Variants in MGMT observed in about 807,000 individuals in gnomAD.
MGMT encodes O-6-methylguanine-DNA methyltransferase.
In MGMT, 14 loss-of-function variants were observed where a neutral mutation model predicts 15.9. The ratio of observed to expected loss-of-function variants is 0.88; its 90% CI spans 0.58 to 1.37. The LOEUF (loss-of-function observed/expected upper bound fraction) is 1.37. Among genes scored for constraint, MGMT ranks in the 40% most tolerant of loss-of-function variants. MGMT has a pLI of 0.00. For synonymous variants in MGMT, 130 were observed against 118.2 expected (o/e 1.10, Z -0.65); for missense variants, 282 against 268.1 (o/e 1.05, Z -0.36).
At chr10:129,535,741 C>T (rs1845977255) in intron 1 of MGMT, among the ~76,000 whole-genome samples, 2 of 152,246 alleles carry the variant, frequency 1.3e-5, no homozygotes, top group Non-Finnish European at 1.5e-5. Context: ...GGGCTGGCTC[C>T]TAACACAGGT....
At chr10:129,733,351 G>A (rs1461249732) in intron 3 of MGMT, among the ~76,000 whole-genome samples, 2 of 152,082 alleles carry the variant, frequency 1.3e-5, no homozygotes, top group Non-Finnish European at 2.9e-5. Context: ...CTGCATAAAT[G>A]TCTACTTTTG....
At chr10:129,552,242 A>G (rs1450543600) in intron 2 of MGMT, among the ~76,000 whole-genome samples, 1 of 152,202 alleles carries the variant, frequency 6.6e-6, no homozygotes, top group Non-Finnish European at 1.5e-5. Context: ...GGCTCCCCAC[A>G]TGGGAACCAC....
chr10:129,500,593 G>A (rs886942332), intron 1 of MGMT, among the ~76,000 whole-genome samples: 1 of 152,088 alleles, frequency 6.6e-6, no homozygotes, highest in Non-Finnish European at 1.5e-5. Context: ...ATAGAGTCTG[G>A]CTCTGTTGCC....
In MGMT at chr10:129,536,249, A is replaced by G; in HGVS notation, c.-4A>G. On this transcript the variant is annotated 5_prime_UTR_variant, in exon 2 of 5. Transcript: ENST00000651593. ...AAATTATTTCTGTTTAGGTACTTGG[A>G]AAAATGGACAAGGATTGTGAAATGA... 1 of 1,613,126 alleles carries G rather than the reference A, an allele frequency of 6.2e-7. No homozygotes were observed. The highest frequency in any genetic ancestry group is 2.2e-5 in the East Asian group (1 of 44,846).
chr10:129,520,799 G>A (rs762945588), intron 1 of MGMT, among the ~76,000 whole-genome samples: 2 of 149,082 alleles, frequency 1.3e-5, no homozygotes, highest in Non-Finnish European at 3.0e-5. Context: ...TATGGTGCGG[G>A]TGCAGAGCCC....
intron 1 of MGMT, among the ~76,000 whole-genome samples, chr10:129,488,005 A>G (rs1845429653): frequency 3.8e-5 from 1 of 25,994 alleles, no homozygotes; most frequent in South Asian, 1.5e-3. Context: ...ACATAGGTAT[A>G]CACACACACA....
At chr10:129,687,740 C>T (rs542072681) in intron 2 of MGMT, among the ~76,000 whole-genome samples, 2 of 150,492 alleles carry the variant, frequency 1.3e-5, no homozygotes, top group South Asian at 4.2e-4. Context: ...GGTACATGTG[C>T]ACAACGTGCA....
At chr10:129,568,880 A>T (rs1451754027) in intron 2 of MGMT, among the ~76,000 whole-genome samples, 3 of 152,054 alleles carry the variant, frequency 2.0e-5, no homozygotes, top group Middle Eastern at 3.2e-3. Context: ...CTTATTCTGT[A>T]GGTTGAAGTA....
chr10:129,729,800 G>GGCA (rs1354993749), intron 3 of MGMT, among the ~76,000 whole-genome samples: 7 of 152,158 alleles, frequency 4.6e-5, no homozygotes. Context: ...AACTAATGGC[G>GGCA]GCAGCAGCAC....
At chr10:129,617,640 T>G (rs1187869542) in intron 2 of MGMT, among the ~76,000 whole-genome samples, 2 of 152,228 alleles carry the variant, frequency 1.3e-5, no homozygotes, top group African/African-American at 4.8e-5. Context: ...TGTGAGATGG[T>G]GTCTCACTGT....
chr10:129,474,324 G>T (rs1298776133), intron 1 of MGMT, among the ~76,000 whole-genome samples: 1 of 152,208 alleles, frequency 6.6e-6, no homozygotes, highest in Non-Finnish European at 1.5e-5. Context: ...GTGGCAGCAG[G>T]CCTGGCAGGG....
At chr10:129,711,152 G>A (rs764644787) in intron 3 of MGMT, among the ~76,000 whole-genome samples, 14 of 152,126 alleles carry the variant, frequency 9.2e-5, no homozygotes, top group African/African-American at 1.4e-4. Flanking sequence ...TCCTGCACAC[G>A]GCCTCTTCGC....
At chr10:129,482,048 A>G (rs1487008516) in intron 1 of MGMT, among the ~76,000 whole-genome samples, 1 of 152,158 alleles carries the variant, frequency 6.6e-6, no homozygotes, top group Non-Finnish European at 1.5e-5. Flanking sequence ...AATGCTAAAA[A>G]TTCTCTCTAA....
chr10:129,692,489 CTTTA>C (rs1240992562), intron 2 of MGMT, among the ~76,000 whole-genome samples: 1 of 152,204 alleles, frequency 6.6e-6, no homozygotes, highest in African/African-American at 2.4e-5. Context: ...TCCAATGAAA[CTTTA>C]TTTACAAAAA....
chr10:129,621,479 C>T lies in MGMT; in HGVS notation c.125+85102C>T, dbSNP rs1001788483. ...TGATGTTCTAAATATGTTGAAAGGG[C>T]GCAGGGGGGTTTAATGCCCTTCATC... is the stretch of plus-strand genomic sequence containing the variant. On this transcript the variant is annotated intron_variant, in intron 2 of 4. Transcript: ENST00000651593. 5.3e-5 allele frequency among the ~76,000 whole-genome samples: 8 copies of T among 152,192 alleles called. No homozygotes were observed. In the South Asian group the frequency reaches 6.2e-4, roughly 12 times the overall value.
At chr10:129,734,538 T>C (rs910432665) in intron 3 of MGMT, among the ~76,000 whole-genome samples, 63 of 152,068 alleles carry the variant, frequency 4.1e-4, no homozygotes, top group Non-Finnish European at 7.4e-4. Flanking sequence ...TTTTCCTAAT[T>C]GAATACCCTT....
At chr10:129,729,230 G>T (rs1223060028) in intron 3 of MGMT, among the ~76,000 whole-genome samples, 1 of 152,154 alleles carries the variant, frequency 6.6e-6, no homozygotes, top group African/African-American at 2.4e-5. Context: ...CGTGCCTCGT[G>T]TGAAAAACGA....
rs959233548 is a variant in MGMT, at chr10:129,767,580, T to G, written c.*583T>G. ...TAATGCAAGATGCATCCACTTATGG[T>G]CTGTATCAGGTGAATAGAAAATAAC... On this transcript the variant is annotated 3_prime_UTR_variant, in exon 5 of 5. Transcript: ENST00000651593. 6.6e-6 allele frequency: 1 copy of G among 152,426 alleles called. No homozygotes were observed. The highest frequency in any genetic ancestry group is 6.5e-5 in the Admixed American group (1 of 15,286). The allele number at this position is 152,426 out of a possible 1,614,324, so 9.4% of individuals were successfully genotyped here. A position where few individuals can be genotyped will look rare whatever the true frequency, so the allele number is the denominator to read the frequency against.
At chr10:129,700,197 GT>G (rs1202657813) in intron 2 of MGMT, 1 of 152,186 alleles carries the variant, frequency 6.6e-6, no homozygotes, top group Non-Finnish European at 1.5e-5. Flanking sequence ...GGCCGCGGTT[GT>G]GTCTGTCATG....
Sources: allele counts gnomAD v4.1 joint callset (sites outside exome capture counted in the v4.1 genomes callset), GRCh38; gene constraint gnomAD v4.1.1; transcripts MANE v1.5; gene names NCBI Gene and HGNC (gene_info 2026-07-23, HGNC 2026-07-21).